Variants in TMEM132C observed in about 807,000 individuals in gnomAD.
The protein encoded by TMEM132C is protein phosphatase 1, regulatory subunit 152.
Under a neutral mutation model 61.4 loss-of-function variants are expected in TMEM132C, and 29 were observed. That is an observed-to-expected ratio of 0.47 (90% CI 0.35 to 0.64). The LOEUF (loss-of-function observed/expected upper bound fraction) is 0.64, where lower values mean the gene tolerates loss of function less well. Among genes scored for constraint, TMEM132C ranks in the 30% least tolerant of loss-of-function variants. TMEM132C has a pLI of 0.00. For missense variants in TMEM132C, 1,408 were observed against 1,476.9 expected, an observed-to-expected ratio of 0.95 and a Z score of 0.76; for synonymous variants, 656 against 633.1, an observed-to-expected ratio of 1.04 and a Z score of -0.54.
chr12:128,530,060 G>A (rs1179636721), intron 2 of TMEM132C, among the ~76,000 whole-genome samples: 2 of 151,486 alleles, frequency 1.3e-5, no homozygotes, highest in African/African-American at 2.4e-5. Context: ...TATTTTTAGA[G>A]GTCAGCCTCC....
intron 1 of TMEM132C, among the ~76,000 whole-genome samples, chr12:128,396,427 G>T (rs895877682): frequency 6.6e-6 from 1 of 151,946 alleles, no homozygotes; most frequent in Non-Finnish European, 1.5e-5. Context: ...ACAAATGCTC[G>T]CATGCATTAG....
chr12:128,579,917 C>T (rs918339909), intron 3 of TMEM132C, among the ~76,000 whole-genome samples: 9 of 151,638 alleles, frequency 5.9e-5, no homozygotes, highest in Admixed American at 2.6e-4. Context: ...GTTTGAACTG[C>T]TCTGGACCTG....
At chr12:128,465,174 G>A (rs1189024174) in intron 2 of TMEM132C, among the ~76,000 whole-genome samples, 3 of 150,830 alleles carry the variant, frequency 2.0e-5, no homozygotes, top group African/African-American at 7.3e-5. Flanking sequence ...TAGATAAGCT[G>A]TTCATCATCC....
At chr12:128,502,672 C>T (rs570430723) in intron 2 of TMEM132C, among the ~76,000 whole-genome samples, 77 of 152,294 alleles carry the variant, frequency 5.1e-4, no homozygotes, top group African/African-American at 1.8e-3. Flanking sequence ...GTGAAGACAT[C>T]GGCAATTGGC....
At chr12:128,277,511 G>T (rs1870732613) in intron 1 of TMEM132C, among the ~76,000 whole-genome samples, 1 of 152,254 alleles carries the variant, frequency 6.6e-6, no homozygotes, top group African/African-American at 2.4e-5. Flanking sequence ...ACTTACTGCG[G>T]ACTTAAGGGA....
chr12:128,628,287 A>G (rs1266326887), intron 4 of TMEM132C, among the ~76,000 whole-genome samples: 2 of 152,062 alleles, frequency 1.3e-5, no homozygotes, highest in Non-Finnish European at 2.9e-5. Context: ...CTTTTTTAAA[A>G]AGTGCAATGT....
intron 3 of TMEM132C, among the ~76,000 whole-genome samples, chr12:128,599,867 T>A (rs1876106395): frequency 6.6e-6 from 1 of 152,166 alleles, no homozygotes; most frequent in Admixed American, 6.5e-5. Flanking sequence ...TACCCACGTG[T>A]CATAGGAAGG....
rs1876630721 is a variant in TMEM132C, at chr12:128,611,443, G to T, written c.1122-4709G>T. Among the ~76,000 whole-genome samples, 5 of 152,136 alleles carry T rather than the reference G, an allele frequency of 3.3e-5. 1 individual carries two copies. Among genetic ancestry groups the T allele is most frequent in the Admixed American group, 2.0e-4 (3 of 15,280 alleles). ...GTTGACAACACATCTGATTGGAGGT[G>T]CTCTCATTGCAACAGGAATATGTCT... On this transcript the variant is annotated intron_variant, in intron 3 of 8. Coordinates refer to ENST00000435159, the MANE Select transcript of TMEM132C (RefSeq NM_001136103.3).
chr12:128,674,809 C>A (rs1954567481), intron 5 of TMEM132C, among the ~76,000 whole-genome samples: 2 of 152,148 alleles, frequency 1.3e-5, no homozygotes, highest in Admixed American at 1.3e-4. Context: ...TATTTGTAGT[C>A]TTTTATCCCT....
At chr12:128,465,882 G>T (rs1255388437) in intron 2 of TMEM132C, among the ~76,000 whole-genome samples, 1 of 152,234 alleles carries the variant, frequency 6.6e-6, no homozygotes, top group African/African-American at 2.4e-5. Context: ...TGATGAGGGT[G>T]TGTCTGTGGG....
chr12:128,407,348 T>G (rs997047275), intron 1 of TMEM132C, among the ~76,000 whole-genome samples: 6 of 152,216 alleles, frequency 3.9e-5, no homozygotes, highest in Non-Finnish European at 7.3e-5. Context: ...AACCTCTTTT[T>G]CTTTTATAAA....
rs1876793958 is a variant in TMEM132C at position 128,616,211 on chromosome 12, G to T, written c.1181G>T (p.Ser394Ile). 1 of 1,551,674 alleles carries T rather than the reference G, an allele frequency of 6.4e-7. No homozygotes were observed. ...AACTTTGAAATAGCCAGTTTCAGCAGCCTTTCAGGGACTCAGCCCATCACG... is the reference window on the plus strand; with the variant it reads ...AACTTTGAAATAGCCAGTTTCAGCATCCTTTCAGGGACTCAGCCCATCACG... ...QMNFEIASFS[S>I]LSGTQPITWQ... Residue 394 changes from serine to isoleucine, a missense_variant, in exon 4 of 9, where the codon AGC (serine) becomes ATC (isoleucine). Physicochemically the swap from Ser to Ile is moderately radical, Grantham distance 142 (BLOSUM62 -2). Transcript: ENST00000435159.
intron 2 of TMEM132C, among the ~76,000 whole-genome samples, chr12:128,473,299 T>C (rs1871020147): frequency 6.6e-6 from 1 of 150,630 alleles, no homozygotes; most frequent in Non-Finnish European, 1.5e-5. Flanking sequence ...AGCCTCCGTC[T>C]TCATCTTCAC....
At chr12:128,349,458 T>C (rs1210633166) in intron 1 of TMEM132C, among the ~76,000 whole-genome samples, 2 of 152,202 alleles carry the variant, frequency 1.3e-5, no homozygotes, top group African/African-American at 4.8e-5. Context: ...TCTAAAGTTA[T>C]GTCTTGGATC....
chr12:128,449,580 C>A (rs567472910), intron 2 of TMEM132C, among the ~76,000 whole-genome samples: 3 of 152,318 alleles, frequency 2.0e-5, no homozygotes, highest in Admixed American at 6.5e-5. Context: ...CTGATGTTAT[C>A]ATAATTCCAT....
chr12:128,661,874 A>T (rs1954394382), intron 4 of TMEM132C, among the ~76,000 whole-genome samples: 1 of 152,250 alleles, frequency 6.6e-6, no homozygotes, highest in Non-Finnish European at 1.5e-5. Flanking sequence ...AACTATGTAA[A>T]ACGTGCTTTT....
At chr12:128,660,713 C>T (rs1954379632) in intron 4 of TMEM132C, among the ~76,000 whole-genome samples, 1 of 152,220 alleles carries the variant, frequency 6.6e-6, no homozygotes. Context: ...GCATCGTGGA[C>T]TGGCCCAAAG....
chr12:128,622,343 C>CCAAA, intron 4 of TMEM132C, among the ~76,000 whole-genome samples: 1 of 16,114 alleles, frequency 6.2e-5, no homozygotes, highest in Admixed American at 1.3e-3. Context: ...GACTTTGTCT[C>CCAAA]AAAAAAAAAA....
intron 1 of TMEM132C, among the ~76,000 whole-genome samples, chr12:128,383,878 A>G (rs1295499875): frequency 6.6e-6 from 1 of 152,162 alleles, no homozygotes; most frequent in Non-Finnish European, 1.5e-5. Context: ...GTCCTTCCAT[A>G]TCAGGATAGT....
Sources: gnomAD v4.1 joint callset for allele counts (sites outside exome capture counted in the v4.1 genomes callset) on GRCh38, gnomAD v4.1.1 for gene constraint, MANE v1.5 for transcripts, NCBI Gene and HGNC (gene_info 2026-07-23, HGNC 2026-07-21) for gene names.